ANGPT1: variants seen among roughly 807,000 people sequenced by gnomAD.
The protein encoded by ANGPT1 is angiopoietin 1, also known as angiopoietin-1.
Under a neutral mutation model 62.2 loss-of-function variants are expected in ANGPT1, and 17 were observed. That is an observed-to-expected ratio of 0.27 (90% CI 0.19 to 0.41). The LOEUF (loss-of-function observed/expected upper bound fraction) is 0.41, where lower values mean the gene tolerates loss of function less well. Ranked by LOEUF, ANGPT1 falls within the 10% of genes least tolerant of loss-of-function variation. The probability of loss-of-function intolerance (pLI) is 1.00; values close to 1 mark genes in which losing one functional copy is unlikely to be tolerated. For synonymous variants in ANGPT1, 199 were observed against 198.9 expected, an observed-to-expected ratio of 1.00 and a Z score of 0.00; for missense variants, 478 against 594.9, an observed-to-expected ratio of 0.80 and a Z score of 2.04.
chr8:107,441,076 T>C (rs1407558773), intron 1 of ANGPT1, among the ~76,000 whole-genome samples: 2 of 152,228 alleles, frequency 1.3e-5, no homozygotes, highest in African/African-American at 4.8e-5. Flanking sequence ...ACACAGTTTA[T>C]TCAACTGACA....
At chr8:107,340,633 G>A (rs530318169) in intron 2 of ANGPT1, among the ~76,000 whole-genome samples, 4 of 151,720 alleles carry the variant, frequency 2.6e-5, no homozygotes, top group South Asian at 4.2e-4. Context: ...CTTGGGCTCC[G>A]GTGAGGTGTG....
At chr8:107,457,835 C>T (rs1221165479) in intron 1 of ANGPT1, among the ~76,000 whole-genome samples, 39 of 141,462 alleles carry the variant, frequency 2.8e-4, no homozygotes, top group Admixed American at 6.2e-4. Flanking sequence ...TACACACACA[C>T]ACACACACAC....
Position 107,250,354 on chromosome 8 carries a change from G to T in ANGPT1, c.*1501C>A, listed in dbSNP as rs1813221836. The T allele has an allele frequency of 6.6e-6, 1 of 152,038 alleles. No homozygotes were observed. The highest frequency in any genetic ancestry group is 1.5e-5 in the Non-Finnish European group (1 of 67,978). The allele number at this position is 152,038 out of a possible 1,614,324, so 9.4% of individuals were successfully genotyped here. A position where few individuals can be genotyped will look rare whatever the true frequency, so the allele number is the denominator to read the frequency against. On this transcript the variant is annotated 3_prime_UTR_variant, in exon 9 of 9. Transcript: ENST00000517746. ...TTCACTTAAAATACATTATCCCATAGGAATATTTCCATTGAGTTATTTATG... is the reference window on the plus strand; with the variant it reads ...TTCACTTAAAATACATTATCCCATATGAATATTTCCATTGAGTTATTTATG...
At chr8:107,346,185 T>C (rs1023522607) in intron 2 of ANGPT1, among the ~76,000 whole-genome samples, 9 of 152,196 alleles carry the variant, frequency 5.9e-5, no homozygotes, top group African/African-American at 2.2e-4. Context: ...ATGTTGCACC[T>C]TATTTTTGAA....
intron 8 of ANGPT1, among the ~76,000 whole-genome samples, chr8:107,258,040 A>G (rs1341888380): frequency 6.7e-6 from 1 of 150,310 alleles, no homozygotes; most frequent in Non-Finnish European, 1.5e-5. Flanking sequence ...CTGGCTAGGA[A>G]TATCAAATTC....
chr8:107,492,298 C>T (rs1331761574), intron 1 of ANGPT1, among the ~76,000 whole-genome samples: 5 of 152,102 alleles, frequency 3.3e-5, no homozygotes, highest in South Asian at 2.1e-4. Flanking sequence ...CTTATTTTCA[C>T]GTTTAGTGAC....
intron 3 of ANGPT1, among the ~76,000 whole-genome samples, chr8:107,335,680 A>C (rs1469202363): frequency 6.6e-6 from 1 of 152,208 alleles, no homozygotes. Flanking sequence ...TATTTTCTAG[A>C]AAAAATATAC....
chr8:107,300,034 G>C (rs193155767), intron 5 of ANGPT1, among the ~76,000 whole-genome samples: 13 of 138,042 alleles, frequency 9.4e-5, no homozygotes, highest in African/African-American at 2.6e-4. Flanking sequence ...GTTATATCTA[G>C]ATATAACTAT....
intron 2 of ANGPT1, among the ~76,000 whole-genome samples, chr8:107,343,432 G>A (rs1193666621): frequency 6.6e-6 from 1 of 152,162 alleles, no homozygotes; most frequent in African/African-American, 2.4e-5. Flanking sequence ...AAAGTCATGT[G>A]TCAGTGGACT....
intron 6 of ANGPT1, among the ~76,000 whole-genome samples, chr8:107,288,516 A>T (rs900926759): frequency 3.9e-5 from 6 of 152,132 alleles, no homozygotes; most frequent in Admixed American, 3.9e-4. Flanking sequence ...AAAAAAATAC[A>T]GATGGTTAGG....
At chr8:107,362,965 C>T (rs1816196188) in intron 1 of ANGPT1, among the ~76,000 whole-genome samples, 1 of 152,116 alleles carries the variant, frequency 6.6e-6, no homozygotes, top group African/African-American at 2.4e-5. Flanking sequence ...ATGACTTCTT[C>T]CAAACTGGGG....
chr8:107,302,190 G>T (rs1291191551), intron 5 of ANGPT1, among the ~76,000 whole-genome samples: 1 of 151,900 alleles, frequency 6.6e-6, no homozygotes, highest in Non-Finnish European at 1.5e-5. Context: ...TAGTGAGAAA[G>T]TCATGTAAAG....
intron 5 of ANGPT1, among the ~76,000 whole-genome samples, chr8:107,300,757 A>G (rs1463136529): frequency 6.6e-6 from 1 of 151,938 alleles, no homozygotes; most frequent in African/African-American, 2.4e-5. Context: ...GACATTTGTG[A>G]ATATAATATT....
At chr8:107,425,511 G>A (rs1046457839) in intron 1 of ANGPT1, among the ~76,000 whole-genome samples, 2 of 152,004 alleles carry the variant, frequency 1.3e-5, no homozygotes, top group Non-Finnish European at 1.5e-5. Context: ...CTATCTTCCC[G>A]GCATGCTTAT....
At chr8:107,257,446 T>C (rs1813383873) in intron 8 of ANGPT1, among the ~76,000 whole-genome samples, 2 of 152,340 alleles carry the variant, frequency 1.3e-5, no homozygotes, top group African/African-American at 2.4e-5. Flanking sequence ...AGTTCAACTT[T>C]ATTTGAACAT....
At chr8:107,401,184 ACTTC>A (rs1389105186) in intron 1 of ANGPT1, among the ~76,000 whole-genome samples, 1 of 152,094 alleles carries the variant, frequency 6.6e-6, no homozygotes, top group African/African-American at 2.4e-5. Flanking sequence ...TATTGTCAGT[ACTTC>A]TTATTCATAC....
chr8:107,338,522 C>A (rs960602693), intron 2 of ANGPT1, among the ~76,000 whole-genome samples: 1 of 152,210 alleles, frequency 6.6e-6, no homozygotes, highest in African/African-American at 2.4e-5. Flanking sequence ...AAAGTTTAAA[C>A]TGCTATGACT....
intron 1 of ANGPT1, among the ~76,000 whole-genome samples, chr8:107,351,630 G>A (rs1479494764): frequency 1.3e-5 from 2 of 151,736 alleles, no homozygotes; most frequent in African/African-American, 4.8e-5. Context: ...TCACTAGAGG[G>A]GGATTACTTT....
At chr8:107,402,412 T>C (rs574500487) in intron 1 of ANGPT1, among the ~76,000 whole-genome samples, 1 of 152,318 alleles carries the variant, frequency 6.6e-6, no homozygotes, top group East Asian at 1.9e-4. Flanking sequence ...GATCTCAGAC[T>C]TATTATTCAT....
Sources: allele counts gnomAD v4.1 joint callset (sites outside exome capture counted in the v4.1 genomes callset), GRCh38; gene constraint gnomAD v4.1.1; transcripts MANE v1.5; gene names NCBI Gene and HGNC (gene_info 2026-07-23, HGNC 2026-07-21).